TRIM9: variants seen among roughly 807,000 people sequenced by gnomAD.
TRIM9 encodes the protein tripartite motif containing 9, also known as E3 ubiquitin-protein ligase TRIM9.
TRIM9 carries 26 observed loss-of-function variants against 78.3 expected under a neutral mutation model. The observed-to-expected ratio is 0.33, with a 90% CI of 0.24 to 0.46. The LOEUF is 0.46. TRIM9 is among the 20% of genes least tolerant of loss of function. The probability of loss-of-function intolerance (pLI) is 1.00; values close to 1 mark genes in which losing one functional copy is unlikely to be tolerated. For synonymous variants in TRIM9, 398 were observed against 416.5 expected (o/e 0.96, Z 0.54); for missense variants, 787 against 1,036.4 (o/e 0.76, Z 3.30).
At chr14:50,996,831 A>G in intron 7 of TRIM9, 1 of 985,430 alleles carries the variant, frequency 1.0e-6, no homozygotes, top group Non-Finnish European at 1.2e-6. Flanking sequence ...TTCCCTCAGC[A>G]TATCCTTCTC....
chr14:51,084,145 G>A (rs985588849), intron 1 of TRIM9, among the ~76,000 whole-genome samples: 1 of 150,766 alleles, frequency 6.6e-6, no homozygotes, highest in Admixed American at 6.7e-5. Context: ...AATGTCAAGA[G>A]CTTACTATCA....
chr14:51,046,226 C>T (rs937187226), intron 1 of TRIM9, among the ~76,000 whole-genome samples: 42 of 152,068 alleles, frequency 2.8e-4, no homozygotes, highest in African/African-American at 8.7e-4. Context: ...AATAGGGCAA[C>T]GCAAGGGACA....
chr14:51,020,532 GT>G (rs1292176651), intron 3 of TRIM9, among the ~76,000 whole-genome samples: 1 of 152,246 alleles, frequency 6.6e-6, no homozygotes, highest in African/African-American at 2.4e-5. Flanking sequence ...CCTCTGCTCA[GT>G]GGCCCCCAAA....
chr14:51,038,827 G>T (rs1302919122), intron 1 of TRIM9, among the ~76,000 whole-genome samples: 1 of 152,176 alleles, frequency 6.6e-6, no homozygotes, highest in Non-Finnish European at 1.5e-5. Flanking sequence ...TTGGGACAGG[G>T]AGGAGATTTT....
intron 3 of TRIM9, among the ~76,000 whole-genome samples, chr14:51,015,696 T>C (rs2057118018): frequency 6.6e-6 from 1 of 151,594 alleles, no homozygotes; most frequent in Non-Finnish European, 1.5e-5. Flanking sequence ...ATATTTTTGG[T>C]AGAGATGGGG....
At chr14:51,072,995 T>TA (rs1013235471) in intron 1 of TRIM9, among the ~76,000 whole-genome samples, 55 of 152,220 alleles carry the variant, frequency 3.6e-4, no homozygotes, top group Non-Finnish European at 7.1e-4. Context: ...TTTATTTATT[T>TA]TTTTTTTGGC....
At chr14:51,028,389 A>G (rs2058443567) in intron 1 of TRIM9, among the ~76,000 whole-genome samples, 1 of 152,200 alleles carries the variant, frequency 6.6e-6, no homozygotes, top group Non-Finnish European at 1.5e-5. Context: ...TTATATGCAC[A>G]TTGTTTTTAT....
In TRIM9 at chr14:51,010,362, G is replaced by A. The variant is rs781302578; in HGVS notation, c.1152+22C>T. The stretch of plus-strand genomic sequence containing the variant: ...TCCTATGGGACATTTAGAATCTGAC[G>A]CAGAAACTAGTTAACTCTTACCTGC... On this transcript the variant is annotated intron_variant, in intron 4 of 12. Coordinates refer to ENST00000684578, the MANE Select transcript of TRIM9 (RefSeq NM_001387360.1). The A allele has an allele frequency of 1.3e-5, 21 of 1,570,966 alleles. 1 individual carries two copies. The highest frequency in any genetic ancestry group is 3.3e-4 in the Middle Eastern group (2 of 5,998).
At chr14:50,983,857 C>A (rs2052330343) in intron 8 of TRIM9, among the ~76,000 whole-genome samples, 1 of 152,172 alleles carries the variant, frequency 6.6e-6, no homozygotes, top group Admixed American at 6.5e-5. Context: ...GTGACTTGAG[C>A]CCAAATTAAA....
At chr14:51,072,237 T>C (rs1194950016) in intron 1 of TRIM9, among the ~76,000 whole-genome samples, 1 of 152,148 alleles carries the variant, frequency 6.6e-6, no homozygotes, top group Non-Finnish European at 1.5e-5. Context: ...TCTCCTGAAA[T>C]TGTAGTCTTA....
At chr14:50,997,419 C>T (rs921172694) in intron 7 of TRIM9, 24 of 985,172 alleles carry the variant, frequency 2.4e-5, no homozygotes, top group Non-Finnish European at 2.7e-5. Flanking sequence ...GCGGGTAATG[C>T]GAAGTTGCTG....
chr14:51,094,265 C>T lies in TRIM9; in HGVS notation c.675G>A (p.Lys225=). The T allele has an allele frequency of 6.2e-7, 1 of 1,614,174 alleles. No homozygotes were observed. Among genetic ancestry groups the T allele is most frequent in the East Asian group, 2.2e-5 (1 of 44,880 alleles). Residue 225 remains lysine (K), a synonymous_variant, in exon 1 of 13, where the codon AAG becomes AAA. Transcript: ENST00000684578. ...GCTCGTGGTCTGTGCAGGTGGAGAC[C>T]TTGCGTGGGCTCAGCCTCCGGCTCA... ...GRVSRRLSPR[K]VSTCTDHELE...
At chr14:50,982,180 T>G in intron 10 of TRIM9, 77 bp from the exon 11 acceptor site, 8 of 1,530,288 alleles carry the variant, frequency 5.2e-6, no homozygotes, top group Middle Eastern at 2.2e-4. Context: ...CCTGGGCGGG[T>G]GAGGAGCGTT....
At position 50,981,795 on chromosome 14, in the gene TRIM9, G is replaced by A; in HGVS notation, c.2162+5C>T. 6.2e-7 allele frequency: 1 copy of A among 1,613,572 alleles called. No individual in the cohort carries two copies. The highest frequency in any genetic ancestry group is 8.5e-7 in the Non-Finnish European group (1 of 1,179,516). ...AGAAGGCTTGGTTTGGGGGCTGCAG[G>A]GTACCTGTTGGTGTGCGAGTTGTTG... On this transcript the variant is annotated splice_donor_5th_base_variant and intron_variant, in intron 11 of 12. Coordinates refer to ENST00000684578, the MANE Select transcript of TRIM9 (RefSeq NM_001387360.1).
chr14:51,092,883 G>A (rs2064506562), intron 1 of TRIM9, among the ~76,000 whole-genome samples: 1 of 152,148 alleles, frequency 6.6e-6, no homozygotes, highest in Non-Finnish European at 1.5e-5. Context: ...GGAACTAGCG[G>A]GTGTCTGGGT....
intron 1 of TRIM9, among the ~76,000 whole-genome samples, chr14:51,037,311 C>T (rs1228704983): frequency 6.6e-6 from 1 of 152,020 alleles, no homozygotes; most frequent in Non-Finnish European, 1.5e-5. Flanking sequence ...AGCTAGGAAA[C>T]CCAAGTGCAA....
chr14:51,048,035 T>C (rs1489389445), intron 1 of TRIM9, among the ~76,000 whole-genome samples: 1 of 151,984 alleles, frequency 6.6e-6, no homozygotes, highest in Admixed American at 6.6e-5. Flanking sequence ...GTAAAAGTAA[T>C]GTTTTTGGCT....
At chr14:50,996,294 G>A in intron 7 of TRIM9, 1 of 985,332 alleles carries the variant, frequency 1.0e-6, no homozygotes, top group Non-Finnish European at 1.2e-6. Flanking sequence ...ATGACCCCCA[G>A]TTCTGTGACT....
At chr14:51,012,284 A>C in intron 3 of TRIM9, among the ~76,000 whole-genome samples, 1 of 152,176 alleles carries the variant, frequency 6.6e-6, no homozygotes. Context: ...TTTCTCTATG[A>C]ATTTCACTAT....
Sources: gnomAD v4.1 joint callset for allele counts (sites outside exome capture counted in the v4.1 genomes callset) on GRCh38, gnomAD v4.1.1 for gene constraint, MANE v1.5 for transcripts, NCBI Gene and HGNC (gene_info 2026-07-23, HGNC 2026-07-21) for gene names.